The following NDRG1 variants were observed in gnomAD, a reference collection of about 807,000 sequenced individuals.
NDRG1 encodes the protein protein NDRG1.
In NDRG1, 32 loss-of-function variants were observed where a neutral mutation model predicts 56.9. That is an observed-to-expected ratio of 0.56 (90% CI 0.42 to 0.76). NDRG1 has a LOEUF of 0.76. Among genes scored for constraint, NDRG1 ranks in the 30% least tolerant of loss-of-function variants. The probability of loss-of-function intolerance (pLI) is 0.00; values close to 1 mark genes in which losing one functional copy is unlikely to be tolerated. For missense variants in NDRG1, 507 were observed against 545.7 expected, an observed-to-expected ratio of 0.93 and a Z score of 0.71; for synonymous variants, 211 against 204.1, an observed-to-expected ratio of 1.03 and a Z score of -0.29.
intron 5 of NDRG1, among the ~76,000 whole-genome samples, chr8:133,260,460 G>A (rs1856606374): frequency 6.6e-6 from 1 of 152,140 alleles, no homozygotes; most frequent in Non-Finnish European, 1.5e-5. Flanking sequence ...TAGTAAACTA[G>A]GGGGAAAATG....
intron 3 of NDRG1, among the ~76,000 whole-genome samples, chr8:133,275,700 T>C (rs907937371): frequency 1.2e-4 from 18 of 152,240 alleles, no homozygotes; most frequent in African/African-American, 3.1e-4. Context: ...TTTGACTCTT[T>C]CTTCTGAGGA....
intron 1 of NDRG1, chr8:133,284,719 G>A (rs996530807): frequency 3.7e-5 from 17 of 461,288 alleles, no homozygotes; most frequent in Non-Finnish European, 6.9e-5. Flanking sequence ...GCCCCCGTGT[G>A]ACAATGAAAG....
rs116581724 is a variant in NDRG1 at position 133,279,494 on chromosome 8, C to T, written c.99+738G>A. Among the ~76,000 whole-genome samples the T allele has an allele frequency of 8.4e-3, 1,287 of 152,318 alleles. 27 individuals are homozygous for T. The highest frequency in any genetic ancestry group is 0.029 in the African/African-American group (1,201 of 41,574). ...CAGAATGGGTCCCAAACTGGGGACA[C>T]CTGTGCAACACATGGGTAGCGGTTC... On this transcript the variant is annotated intron_variant, in intron 3 of 15. Coordinates refer to ENST00000323851, the MANE Select transcript of NDRG1 (RefSeq NM_006096.4).
At chr8:133,245,826 A>C (rs1392346356) in intron 13 of NDRG1, among the ~76,000 whole-genome samples, 1 of 152,220 alleles carries the variant, frequency 6.6e-6, no homozygotes, top group Non-Finnish European at 1.5e-5. Context: ...TTTTGAGGGA[A>C]TCTTGAAAGA....
chr8:133,285,124 C>T (rs1858037531), intron 1 of NDRG1, among the ~76,000 whole-genome samples: 1 of 152,156 alleles, frequency 6.6e-6, no homozygotes, highest in African/African-American at 2.4e-5. Context: ...TGGAATGCTG[C>T]CACTGACTCC....
rs1298998963 is a variant in NDRG1 at position 133,237,233 on chromosome 8, C to T, written c.*1645G>A. 4.4e-6 allele frequency: 1 copy of T among 226,790 alleles called. No homozygotes were observed. Among genetic ancestry groups the T allele is most frequent in the African/African-American group, 2.2e-5 (1 of 44,924 alleles). 14.0% of individuals were successfully genotyped at this position (226,790 alleles called of 1,614,324 possible). The stretch of plus-strand genomic sequence containing the variant: ...ATACAAATATCTCATTAAGAAACTC[C>T]TCTGGAAAGACTTGTGCACAATAGT... On this transcript the variant is annotated 3_prime_UTR_variant, in exon 16 of 16. Coordinates refer to ENST00000323851, the MANE Select transcript of NDRG1 (RefSeq NM_006096.4).
intron 4 of NDRG1, 114 bp from the exon 5 acceptor site, chr8:133,262,281 G>T: frequency 7.6e-7 from 1 of 1,312,128 alleles, no homozygotes; most frequent in Non-Finnish European, 1.1e-6. Flanking sequence ...AGTAGGAAGT[G>T]AACTTAGAAG....
chr8:133,238,768 G>T lies in NDRG1; in HGVS notation c.*110C>A. The T allele has an allele frequency of 2.4e-6, 3 of 1,271,776 alleles. No individual in the cohort carries two copies. Among genetic ancestry groups the T allele is most frequent in the Non-Finnish European group, 1.1e-6 (1 of 938,098 alleles). The allele number at this position is 1,271,776 out of a possible 1,614,324, so 78.8% of individuals were successfully genotyped here. On this transcript the variant is annotated 3_prime_UTR_variant, in exon 16 of 16. Coordinates refer to ENST00000323851, the MANE Select transcript of NDRG1 (RefSeq NM_006096.4). Reference sequence around the variant, plus strand: ...AGCTCACTCTTACAAAATAAGCTTTGGATTAATACCGAGTTAGGCGCAGTA... The same window carrying T: ...AGCTCACTCTTACAAAATAAGCTTTTGATTAATACCGAGTTAGGCGCAGTA...
chr8:133,261,770 T>TCA (rs1856669998), intron 5 of NDRG1, among the ~76,000 whole-genome samples: 1 of 152,152 alleles, frequency 6.6e-6, no homozygotes, highest in South Asian at 2.1e-4. Flanking sequence ...GTATGTTGTT[T>TCA]CAGTTTGGGA....
rs1857704522 is a variant in NDRG1 at position 133,280,172 on chromosome 8, A to G, written c.99+60T>C. On this transcript the variant is annotated intron_variant, in intron 3 of 15. Coordinates refer to ENST00000323851, the MANE Select transcript of NDRG1 (RefSeq NM_006096.4). ...ATGATCTACTTAAACCAATGGAAAG[A>G]AAAAGGAAAAAGAGAAGACGGGATG... is the stretch of plus-strand genomic sequence containing the variant. 6.3e-6 allele frequency: 10 copies of G among 1,594,200 alleles called. No homozygotes were observed. The East Asian group carries it at 1.8e-4, about 29-fold the overall frequency.
At chr8:133,263,028 A>T (rs1856735785) in intron 4 of NDRG1, among the ~76,000 whole-genome samples, 1 of 152,236 alleles carries the variant, frequency 6.6e-6, no homozygotes, top group African/African-American at 2.4e-5. Flanking sequence ...GTGTTAAGCC[A>T]CAGAGGGCTT....
chr8:133,277,659 A>G (rs551913958), intron 3 of NDRG1, among the ~76,000 whole-genome samples: 1 of 152,372 alleles, frequency 6.6e-6, no homozygotes, highest in Non-Finnish European at 1.5e-5. Flanking sequence ...ACGGAACTGT[A>G]CATTTAAAAG....
At chr8:133,277,098 T>C (rs1857493061) in intron 3 of NDRG1, among the ~76,000 whole-genome samples, 1 of 152,332 alleles carries the variant, frequency 6.6e-6, no homozygotes, top group Non-Finnish European at 1.5e-5. Context: ...AACAAATCAA[T>C]GCAAATTAAT....
At chr8:133,253,439 T>C (rs1259995441) in intron 9 of NDRG1, among the ~76,000 whole-genome samples, 1 of 152,208 alleles carries the variant, frequency 6.6e-6, no homozygotes, top group Non-Finnish European at 1.5e-5. Flanking sequence ...TCCTCTTCCA[T>C]AAACTGGGAA....
At chr8:133,280,105 G>A (rs1857699189) in intron 3 of NDRG1, 127 bp downstream of exon 3, 12 of 1,146,626 alleles carry the variant, frequency 1.0e-5, no homozygotes, top group African/African-American at 1.5e-5. Flanking sequence ...GGACCTAGCT[G>A]AGACCACTGC....
chr8:133,248,719 G>C lies in NDRG1; in HGVS notation c.751C>G (p.Leu251Val), dbSNP rs1855837616. ...RPMPGTHTVTLQCPALLVVGD... is the reference protein window; with the variant it reads ...RPMPGTHTVTVQCPALLVVGD... ...GGGGAGAGAAAAGCCACTCACTGCA[G>C]GGTGACTGTGTGGGTTCCCGGCATT... The change falls in exon 11 of 16, where the codon CTG (leucine) becomes GTG (valine). Residue 251 changes from leucine to valine, a missense_variant. Transcript: ENST00000323851. 6.2e-7 allele frequency: 1 copy of C among 1,614,224 alleles called. No individual in the cohort carries two copies. Among genetic ancestry groups the C allele is most frequent in the East Asian group, 2.2e-5 (1 of 44,884 alleles).
At chr8:133,250,690 C>G in intron 9 of NDRG1, 147 bp from the exon 10 acceptor site, 1 of 754,058 alleles carries the variant, frequency 1.3e-6, no homozygotes, top group East Asian at 2.7e-5. Flanking sequence ...AAAAAAAAAC[C>G]TTTGGGAAAG....
intron 1 of NDRG1, among the ~76,000 whole-genome samples, chr8:133,287,831 C>T (rs1277928393): frequency 1.3e-5 from 2 of 152,332 alleles, no homozygotes; most frequent in African/African-American, 4.8e-5. Context: ...TCCCCTGGTG[C>T]GACATCCACC....
intron 1 of NDRG1, among the ~76,000 whole-genome samples, chr8:133,289,054 T>C (rs566043724): frequency 6.6e-6 from 1 of 152,314 alleles, no homozygotes; most frequent in East Asian, 1.9e-4. Context: ...CTGCATAATT[T>C]ATCGAATCTC....
Sources: allele counts gnomAD v4.1 joint callset (sites outside exome capture counted in the v4.1 genomes callset), GRCh38; gene constraint gnomAD v4.1.1; transcripts MANE v1.5; gene names NCBI Gene and HGNC (gene_info 2026-07-23, HGNC 2026-07-21).